KCNT2: variants seen among roughly 807,000 people sequenced by gnomAD.
The protein encoded by KCNT2 is potassium channel subfamily T member 2.
Under a neutral mutation model 153.8 loss-of-function variants are expected in KCNT2, and 67 were observed. The observed-to-expected ratio is 0.44, with a 90% confidence interval of 0.36 to 0.53. KCNT2 has a LOEUF of 0.53. KCNT2 is among the 20% of genes least tolerant of loss of function. The pLI, the probability that KCNT2 is intolerant of heterozygous loss-of-function variation, is 0.00. For synonymous variants in KCNT2, 500 were observed against 458.8 expected (o/e 1.09, Z -1.15); for missense variants, 975 against 1,354.8 (o/e 0.72, Z 4.40).
At chr1:196,399,487 T>C (rs1335326269) in intron 12 of KCNT2, among the ~76,000 whole-genome samples, 2 of 151,786 alleles carry the variant, frequency 1.3e-5, no homozygotes, top group African/African-American at 2.4e-5. Context: ...CAAGTGCTCA[T>C]AGTTGCACAT....
intron 1 of KCNT2, among the ~76,000 whole-genome samples, chr1:196,522,345 G>T (rs184210501): frequency 6.6e-6 from 1 of 152,146 alleles, no homozygotes; most frequent in Non-Finnish European, 1.5e-5. Context: ...TATGTGAAAA[G>T]TATTACTACT....
intron 20 of KCNT2, among the ~76,000 whole-genome samples, chr1:196,317,470 G>T (rs1662836526): frequency 6.6e-6 from 1 of 151,596 alleles, no homozygotes; most frequent in Admixed American, 6.6e-5. Context: ...AAATGAATGT[G>T]TTATGGCCCT....
At chr1:196,391,654 CAGGA>C (rs1393391378) in intron 13 of KCNT2, among the ~76,000 whole-genome samples, 1 of 151,122 alleles carries the variant, frequency 6.6e-6, no homozygotes, top group Non-Finnish European at 1.5e-5. Context: ...GGAAAATAAA[CAGGA>C]AAGATGGCTT....
At chr1:196,450,978 A>C (rs906471647) in intron 8 of KCNT2, among the ~76,000 whole-genome samples, 15 of 151,598 alleles carry the variant, frequency 9.9e-5, no homozygotes, top group Admixed American at 2.6e-4. Context: ...TGAACACCCT[A>C]CCTAAAAAAG....
intron 22 of KCNT2, among the ~76,000 whole-genome samples, chr1:196,285,979 T>C (rs1004330308): frequency 2.0e-5 from 3 of 152,118 alleles, no homozygotes; most frequent in Admixed American, 6.6e-5. Flanking sequence ...AAGATCAACA[T>C]TTTTTGTACA....
rs374582030 is a variant in KCNT2 at position 196,257,504 on chromosome 1, G to A, written c.3211+690C>T. 1.0e-4 allele frequency: 98 copies of A among 973,800 alleles called. No homozygotes were observed. The Middle Eastern group carries it at 2.6e-3, about 26-fold the overall frequency. 60.3% of individuals were successfully genotyped at this position (973,800 alleles called of 1,614,324 possible). A position where few individuals can be genotyped will look rare whatever the true frequency, so the allele number is the denominator to read the frequency against. ...AAATAAAACACCTTGTTTATCATTT[G>A]GTTTTCCTTTGACTGGACTAAATAT... On this transcript the variant is annotated intron_variant, in intron 26 of 27. Coordinates refer to ENST00000294725, the MANE Select transcript of KCNT2 (RefSeq NM_198503.5).
At chr1:196,235,628 A>T (rs527821770) in intron 27 of KCNT2, among the ~76,000 whole-genome samples, 2 of 151,460 alleles carry the variant, frequency 1.3e-5, no homozygotes, top group East Asian at 3.9e-4. Flanking sequence ...GACCAATCAC[A>T]GTTTGGCTTT....
intron 1 of KCNT2, among the ~76,000 whole-genome samples, chr1:196,571,690 A>C (rs1229556949): frequency 6.6e-6 from 1 of 152,062 alleles, no homozygotes; most frequent in Non-Finnish European, 1.5e-5. Context: ...AATTCAGGGG[A>C]AGATATAGGG....
At chr1:196,349,027 C>T (rs774627086) in intron 14 of KCNT2, among the ~76,000 whole-genome samples, 7 of 152,024 alleles carry the variant, frequency 4.6e-5, no homozygotes, top group African/African-American at 7.2e-5. Flanking sequence ...AGTTCATGCA[C>T]CCAACAGCCA....
intron 14 of KCNT2, among the ~76,000 whole-genome samples, chr1:196,368,534 A>T (rs1303043406): frequency 6.6e-6 from 1 of 152,158 alleles, no homozygotes; most frequent in African/African-American, 2.4e-5. Context: ...TCTCACAATA[A>T]GAAAATCCCC....
intron 12 of KCNT2, among the ~76,000 whole-genome samples, chr1:196,406,863 A>G (rs1476495842): frequency 6.6e-6 from 1 of 151,426 alleles, no homozygotes; most frequent in Non-Finnish European, 1.5e-5. Context: ...ACTTAATGAT[A>G]AAAACCTGCT....
At chr1:196,291,287 GA>G (rs1368476118) in intron 22 of KCNT2, among the ~76,000 whole-genome samples, 1 of 151,196 alleles carries the variant, frequency 6.6e-6, no homozygotes, top group Non-Finnish European at 1.5e-5. Context: ...CTGCTTGTGT[GA>G]ATCACTCTGC....
At chr1:196,298,492 G>A (rs1318543620) in intron 22 of KCNT2, among the ~76,000 whole-genome samples, 1 of 152,080 alleles carries the variant, frequency 6.6e-6, no homozygotes, top group African/African-American at 2.4e-5. Flanking sequence ...GTCTTAAAGG[G>A]TCTCCCAATC....
chr1:196,388,548 A>G (rs1670199848), intron 13 of KCNT2, among the ~76,000 whole-genome samples: 1 of 151,684 alleles, frequency 6.6e-6, no homozygotes, highest in Non-Finnish European at 1.5e-5. Flanking sequence ...TTCTCAGCTT[A>G]TTTAGCTCTT....
chr1:196,320,631 A>T (rs745718923), intron 19 of KCNT2, among the ~76,000 whole-genome samples: 2 of 151,542 alleles, frequency 1.3e-5, no homozygotes, highest in Non-Finnish European at 2.9e-5. Context: ...TCTCTCCCTG[A>T]CTTATTTCTC....
chr1:196,440,308 G>A (rs1675111976), intron 8 of KCNT2, among the ~76,000 whole-genome samples: 1 of 151,818 alleles, frequency 6.6e-6, no homozygotes, highest in Non-Finnish European at 1.5e-5. Context: ...AATCCAATTT[G>A]GCAGTAAATA....
At chr1:196,299,206 G>A (rs565970862) in intron 22 of KCNT2, among the ~76,000 whole-genome samples, 1 of 151,738 alleles carries the variant, frequency 6.6e-6, no homozygotes, top group African/African-American at 2.4e-5. Context: ...TTTCCTCCTT[G>A]CCTTCTCCAT....
At chr1:196,571,096 C>A (rs1035342348) in intron 1 of KCNT2, among the ~76,000 whole-genome samples, 5 of 152,042 alleles carry the variant, frequency 3.3e-5, no homozygotes, top group African/African-American at 1.2e-4. Context: ...TGTATGACTT[C>A]AACACATTAA....
At chr1:196,581,456 A>T (rs4598443) in intron 1 of KCNT2, among the ~76,000 whole-genome samples, 5,217 of 152,180 alleles carry the variant, frequency 0.034, 138 homozygotes, top group South Asian at 0.056. Flanking sequence ...AAAGGGTTTT[A>T]CTTGCTCTTT....
Sources: allele counts gnomAD v4.1 joint callset (sites outside exome capture counted in the v4.1 genomes callset), GRCh38; gene constraint gnomAD v4.1.1; transcripts MANE v1.5; gene names NCBI Gene and HGNC (gene_info 2026-07-23, HGNC 2026-07-21).